Variants in NRG1 observed in about 807,000 individuals in gnomAD.
NRG1 encodes the protein pro-neuregulin-1, membrane-bound isoform.
A neutral mutation model predicts 63.8 loss-of-function variants in NRG1; 18 were observed. That is an observed-to-expected ratio of 0.28 (90% CI 0.19 to 0.42). The LOEUF (loss-of-function observed/expected upper bound fraction) is 0.42, where lower values mean the gene tolerates loss of function less well. Among genes scored for constraint, NRG1 ranks in the 10% least tolerant of loss-of-function variants. The pLI, the probability that NRG1 is intolerant of heterozygous loss-of-function variation, is 1.00. For synonymous variants in NRG1, 302 were observed against 301.3 expected (o/e 1.00, Z -0.02); for missense variants, 762 against 814.7 (o/e 0.94, Z 0.79).
chr8:32,246,503 A>G (rs1848600095), intron 1 of NRG1, among the ~76,000 whole-genome samples: 1 of 152,206 alleles, frequency 6.6e-6, no homozygotes, highest in South Asian at 2.1e-4. Flanking sequence ...AGTACCTGGC[A>G]TAGAGCTTTG....
intron 1 of NRG1, among the ~76,000 whole-genome samples, chr8:32,583,644 G>T (rs950218032): frequency 2.0e-5 from 3 of 152,136 alleles, no homozygotes; most frequent in Non-Finnish European, 4.4e-5. Flanking sequence ...AATCTAGAGA[G>T]CTCATGGTTA....
At chr8:32,358,073 G>A (rs565518079) in intron 1 of NRG1, among the ~76,000 whole-genome samples, 56 of 152,248 alleles carry the variant, frequency 3.7e-4, no homozygotes, top group Non-Finnish European at 5.9e-4. Flanking sequence ...TTCCAGGAAG[G>A]ATGCTCAAGT....
At chr8:32,746,092 C>G (rs950404940) in intron 7 of NRG1, among the ~76,000 whole-genome samples, 1 of 152,030 alleles carries the variant, frequency 6.6e-6, no homozygotes, top group East Asian at 1.9e-4. Context: ...GCCATAAATT[C>G]CAGCCAAGTG....
intron 1 of NRG1, among the ~76,000 whole-genome samples, chr8:31,808,794 TGC>T (rs1822551255): frequency 2.0e-5 from 3 of 152,108 alleles, no homozygotes; most frequent in African/African-American, 7.2e-5. Flanking sequence ...AAATCCAGAT[TGC>T]CATCGTTTCA....
chr8:32,662,955 C>T (rs1174747375), intron 5 of NRG1, among the ~76,000 whole-genome samples: 1 of 152,080 alleles, frequency 6.6e-6, no homozygotes, highest in Non-Finnish European at 1.5e-5. Context: ...ATCAATACGG[C>T]TTTATGTGTG....
At chr8:31,938,795 C>T (rs1361667975) in intron 1 of NRG1, among the ~76,000 whole-genome samples, 1 of 152,144 alleles carries the variant, frequency 6.6e-6, no homozygotes, top group African/African-American at 2.4e-5. Flanking sequence ...TAGAATCAAA[C>T]AGGCAGAAGA....
intron 6 of NRG1, chr8:32,728,565 C>T (rs1251582334): frequency 4.1e-6 from 4 of 984,972 alleles, no homozygotes; most frequent in Non-Finnish European, 3.6e-6. Flanking sequence ...TTGGGATTGT[C>T]TTACTGTTGC....
chr8:31,874,719 A>G (rs1337230550), intron 1 of NRG1, among the ~76,000 whole-genome samples: 4 of 151,984 alleles, frequency 2.6e-5, no homozygotes, highest in African/African-American at 9.7e-5. Context: ...ATTTTTTTGT[A>G]CCCATTGATC....
intron 1 of NRG1, among the ~76,000 whole-genome samples, chr8:31,780,579 T>A (rs996850346): frequency 9.2e-5 from 14 of 152,362 alleles, no homozygotes; most frequent in African/African-American, 3.4e-4. Context: ...AATTTTTCTA[T>A]TGACCTGCGT....
intron 1 of NRG1, among the ~76,000 whole-genome samples, chr8:31,741,522 A>G (rs936731669): frequency 2.0e-5 from 3 of 152,078 alleles, no homozygotes; most frequent in Middle Eastern, 3.2e-3. Context: ...GGAACATCTA[A>G]AAGTCAATCG....
In NRG1 at chr8:31,691,389, C is replaced by T. The variant is rs1006882701; in HGVS notation, c.37+51958C>T. Among the ~76,000 whole-genome samples the T allele has an allele frequency of 2.6e-5, 4 of 151,700 alleles. No individual in the cohort carries two copies. The East Asian group carries it at 7.7e-4, about 29-fold the overall frequency. Reference sequence around the variant, plus strand: ...TTGGGAGGCTGAGGCGGGCGGATCTCGAGGTCAGGAGTTCGAGACCACGGT... The same window carrying T: ...TTGGGAGGCTGAGGCGGGCGGATCTTGAGGTCAGGAGTTCGAGACCACGGT... On this transcript the variant is annotated intron_variant, in intron 1 of 10. Coordinates refer to the NRG1 transcript ENST00000519301.
intron 1 of NRG1, among the ~76,000 whole-genome samples, chr8:32,036,731 A>T (rs1438987791): frequency 1.3e-5 from 2 of 152,004 alleles, no homozygotes; most frequent in Non-Finnish European, 2.9e-5. Flanking sequence ...TCAGTTATTG[A>T]TACTCGTGGT....
chr8:31,772,751 C>T (rs930428514), intron 1 of NRG1, among the ~76,000 whole-genome samples: 1 of 152,132 alleles, frequency 6.6e-6, no homozygotes. Context: ...CTGAAGCAGA[C>T]TGGGTTGTTG....
At chr8:32,217,312 G>A (rs1316626062) in intron 1 of NRG1, among the ~76,000 whole-genome samples, 1 of 151,568 alleles carries the variant, frequency 6.6e-6, no homozygotes, top group African/African-American at 2.4e-5. Context: ...AGAAAAGGGA[G>A]AGGTAAAAGC....
At chr8:32,588,056 G>A (rs1841931630) in intron 1 of NRG1, among the ~76,000 whole-genome samples, 1 of 152,022 alleles carries the variant, frequency 6.6e-6, no homozygotes, top group Admixed American at 6.6e-5. Context: ...CTAGTAACTG[G>A]GATTACAGAT....
At chr8:32,754,465 G>A (rs374854049) in exon 8 of NRG1, 1 of 1,613,504 alleles carries the variant, frequency 6.2e-7, no homozygotes, top group African/African-American at 1.3e-5. Context: ...GTGGCCTACT[G>A]CAAAACCAAG....
chr8:31,776,688 C>A (rs771701129), intron 1 of NRG1, among the ~76,000 whole-genome samples: 3 of 152,104 alleles, frequency 2.0e-5, no homozygotes, highest in Admixed American at 6.6e-5. Context: ...ATTCCTCCCC[C>A]TCCCCCTACC....
rs546292606 is a variant in NRG1, at chr8:32,646,896, G to A, written c.502+30011G>A. 50 of 984,958 alleles carry A rather than the reference G, an allele frequency of 5.1e-5. No individual in the cohort carries two copies. The African/African-American group carries it at 7.3e-4, about 14-fold the overall frequency. 61.0% of individuals were successfully genotyped at this position (984,958 alleles called of 1,614,324 possible). On this transcript the variant is annotated intron_variant, in intron 5 of 11. Coordinates refer to ENST00000356819, the Ensembl canonical transcript of NRG1. Reference sequence around the variant, plus strand: ...GGGTAGAGAGCGGGGAGTGGGGGTTGGGAGAGGGGGAGGAAAGAGAGAGAG... The same window carrying A: ...GGGTAGAGAGCGGGGAGTGGGGGTTAGGAGAGGGGGAGGAAAGAGAGAGAG...
At chr8:31,964,049 G>A (rs909231466) in intron 1 of NRG1, among the ~76,000 whole-genome samples, 1 of 152,120 alleles carries the variant, frequency 6.6e-6, no homozygotes, top group African/African-American at 2.4e-5. Flanking sequence ...ATAAATGTGA[G>A]GTAGATGACA....
Sources: gnomAD v4.1 joint callset for allele counts (sites outside exome capture counted in the v4.1 genomes callset) on GRCh38, gnomAD v4.1.1 for gene constraint, MANE v1.5 for transcripts, NCBI Gene and HGNC (gene_info 2026-07-23, HGNC 2026-07-21) for gene names.